LILRA4: variants seen among roughly 807,000 people sequenced by gnomAD.
LILRA4 encodes leukocyte immunoglobulin-like receptor subfamily A member 4.
Under a neutral mutation model 49.5 loss-of-function variants are expected in LILRA4, and 51 were observed. The observed-to-expected ratio is 1.03, with a 90% CI of 0.82 to 1.30. The LOEUF (loss-of-function observed/expected upper bound fraction) is 1.30. LILRA4 is among the 50% of genes most tolerant of loss of function. The pLI, the probability that LILRA4 is intolerant of heterozygous loss-of-function variation, is 0.00. For synonymous variants in LILRA4, 272 were observed against 265.6 expected, an observed-to-expected ratio of 1.02 and a Z score of -0.23; for missense variants, 624 against 625.6, an observed-to-expected ratio of 1.00 and a Z score of 0.03.
In LILRA4 at chr19:54,338,511, CTTGTT is replaced by C; in HGVS notation, c.235_239del (p.Asn79GlyfsTer76). On this transcript the variant is annotated frameshift_variant, in exon 3 of 8. Coordinates refer to ENST00000291759, the MANE Select transcript of LILRA4 (RefSeq NM_012276.5). LOFTEE classifies it high-confidence loss of function. ...TCATGGATGGGATGGAGAGTTTGAC[CTTGTT>C]TTCAGACTCCAGTGTTTTTAATATG... is the stretch of plus-strand genomic sequence containing the variant. 6.2e-7 allele frequency: 1 copy of C among 1,614,096 alleles called. No homozygotes were observed. Among genetic ancestry groups the C allele is most frequent in the African/African-American group, 1.3e-5 (1 of 75,022 alleles).
At position 54,337,346 on chromosome 19, in the gene LILRA4, G is replaced by A. The variant is rs533794745; in HGVS notation, c.952+54C>T. 58 of 1,549,218 alleles carry A rather than the reference G, an allele frequency of 3.7e-5. 1 individual carries two copies. In the South Asian group the frequency reaches 6.0e-4, roughly 16 times the overall value. Reference sequence around the variant, plus strand: ...GGCCATCACCACCTGGGCTCCCCCAGCAGGGCCTGTGCAGAGCCTGGGTCC... The same window carrying A: ...GGCCATCACCACCTGGGCTCCCCCAACAGGGCCTGTGCAGAGCCTGGGTCC... On this transcript the variant is annotated intron_variant, in intron 5 of 7. Transcript: ENST00000291759.
chr19:54,337,451 CGTT>C lies in LILRA4; in HGVS notation c.898_900del (p.Asn300del), dbSNP rs1569165860. ...CTGGGGGCCGACCACTCGGAGGAGA[CGTT>C]GTGTGCGCCGTAGCATCTGTACTGG... On this transcript the variant is annotated inframe_deletion, in exon 5 of 8. Coordinates refer to ENST00000291759, the MANE Select transcript of LILRA4 (RefSeq NM_012276.5). 6.2e-7 allele frequency: 1 copy of C among 1,611,772 alleles called. No individual in the cohort carries two copies. The highest frequency in any genetic ancestry group is 1.7e-5 in the Admixed American group (1 of 60,008).
Position 54,333,553 on chromosome 19 carries a change from C to G in LILRA4, c.*19G>C. 1.2e-6 allele frequency: 2 copies of G among 1,612,434 alleles called. No individual in the cohort carries two copies. Among genetic ancestry groups the G allele is most frequent in the Non-Finnish European group, 1.7e-6 (2 of 1,179,286 alleles). On this transcript the variant is annotated 3_prime_UTR_variant, in exon 8 of 8. Transcript: ENST00000291759. ...CTTCCCCAACTGCTGCCCCAGTCTTCCAGAACCTCCTCAGATCATCAGATC... is the reference window on the plus strand; with the variant it reads ...CTTCCCCAACTGCTGCCCCAGTCTTGCAGAACCTCCTCAGATCATCAGATC...
chr19:54,337,908 G>C (rs1278491578), intron 4 of LILRA4, 28 bp downstream of exon 4: 2 of 1,586,096 alleles, frequency 1.3e-6, no homozygotes, highest in African/African-American at 1.3e-5. Context: ...CCCTGACTTT[G>C]TATAAGGAAA....
At position 54,333,203 on chromosome 19, in the gene LILRA4, T is replaced by A; in HGVS notation, c.*369A>T. On this transcript the variant is annotated 3_prime_UTR_variant, in exon 8 of 8. Transcript: ENST00000291759. ...ACGAATCTGATTTTTGCCCATGGAT[T>A]TAATTATCAAAAGCAAATTCCATGT... 1 of 226,028 alleles carries A rather than the reference T, an allele frequency of 4.4e-6. No individual in the cohort carries two copies. Among genetic ancestry groups the A allele is most frequent in the Non-Finnish European group, 8.5e-6 (1 of 117,728 alleles). The allele number at this position is 226,028 out of a possible 1,614,324, so 14.0% of individuals were successfully genotyped here.
rs940664091 is a variant in LILRA4 at position 54,338,989 on chromosome 19, A to G, written c.34+71T>C. Reference sequence around the variant, plus strand: ...TTGAGCCCCTGGGATGCCCTAATTGACTAAGGCATGGCTATGGATTGGGGT... The same window carrying G: ...TTGAGCCCCTGGGATGCCCTAATTGGCTAAGGCATGGCTATGGATTGGGGT... On this transcript the variant is annotated intron_variant, in intron 1 of 7. Transcript: ENST00000291759. The G allele has an allele frequency of 1.2e-5, 19 of 1,612,692 alleles. No individual in the cohort carries two copies. The African/African-American group carries it at 2.4e-4, about 20-fold the overall frequency.
chr19:54,339,000 G>A (rs2081363029), intron 1 of LILRA4, 60 bp downstream of exon 1: 1 of 1,610,784 alleles, frequency 6.2e-7, no homozygotes, highest in Non-Finnish European at 8.5e-7. Flanking sequence ...CTAAGGCATG[G>A]CTATGGATTG....
rs759751078 is a variant in LILRA4, at chr19:54,338,019, C to T, written c.572G>A (p.Gly191Asp). The T allele has an allele frequency of 2.5e-6, 4 of 1,613,990 alleles. No homozygotes were observed. The highest frequency in any genetic ancestry group is 3.4e-6 in the Non-Finnish European group (4 of 1,179,980). ...TTCATAGCCGTAGCATCTGAATGTA[C>T]CCCTGTTGCTGAAGGTCAGGGGGCC... The part of the protein sequence containing the change: ...PMGPLTFSNR[G>D]TFRCYGYENN... The change falls in exon 4 of 8, where the codon GGT (glycine) becomes GAT (aspartate). Residue 191 changes from glycine (G) to aspartate (D), a missense_variant. By Grantham distance (94) the Gly-to-Asp change is moderately conservative. Coordinates refer to ENST00000291759, the MANE Select transcript of LILRA4 (RefSeq NM_012276.5).
intron 6 of LILRA4, chr19:54,336,229 G>C (rs972963830): frequency 6.5e-6 from 1 of 154,036 alleles, no homozygotes; most frequent in Non-Finnish European, 1.4e-5. Flanking sequence ...TCTCCCCTCT[G>C]TTCCTCTGAG....
In LILRA4 at chr19:54,333,724, T is replaced by C. The variant is rs145347520; in HGVS notation, c.1348A>G (p.Met450Val). ...AGCAGGACCAAGCCAGCCACACCCA[T>C]GCGGATGAGATTCTCCACTGTGTAA... is the stretch of plus-strand genomic sequence containing the variant. ...QDYTVENLIR[M>V]GVAGLVLLFL... is the part of the protein sequence containing the mutation. The change falls in exon 8 of 8, where the codon ATG (methionine) becomes GTG (valine). Residue 450 changes from methionine to valine, a missense_variant. By Grantham distance (21) the Met-to-Val change is conservative (BLOSUM62 1). Coordinates refer to ENST00000291759, the MANE Select transcript of LILRA4 (RefSeq NM_012276.5). The C allele has an allele frequency of 9.0e-5, 146 of 1,613,952 alleles. No individual in the cohort carries two copies. Among genetic ancestry groups the C allele is most frequent in the Non-Finnish European group, 1.1e-4 (134 of 1,180,004 alleles).
intron 3 of LILRA4, 65 bp from the exon 4 acceptor site, chr19:54,338,300 G>A (rs1223070106): frequency 1.3e-6 from 2 of 1,594,902 alleles, no homozygotes; most frequent in African/African-American, 2.7e-5. Flanking sequence ...TATCCTACAA[G>A]GCTGGGCTGT....
At position 54,337,534 on chromosome 19, in the gene LILRA4, G is replaced by A. The variant is rs778046226; in HGVS notation, c.818C>T (p.Ala273Val). ...GGTGAAGTTGGCCTGGGAGAGCCCA[G>A]CCTGGGGCTGCCGGCCAGGGCGCTG... Reference protein sequence around the residue: ...LPQRPGRQPQAGLSQANFTLS... With the variant: ...LPQRPGRQPQVGLSQANFTLS... The change falls in exon 5 of 8, where the codon GCT (alanine) becomes GTT (valine). Residue 273 changes from alanine to valine, a missense_variant. Ala to Val is a moderately conservative substitution (Grantham distance 64, BLOSUM62 0). Transcript: ENST00000291759. The A allele has an allele frequency of 3.7e-6, 6 of 1,613,112 alleles. No homozygotes were observed. In the East Asian group the frequency reaches 8.9e-5, roughly 24 times the overall value.
chr19:54,338,804 C>T, intron 2 of LILRA4, 62 bp downstream of exon 2: 1 of 1,608,124 alleles, frequency 6.2e-7, no homozygotes. Flanking sequence ...CCCAGCTGCC[C>T]AGGGGTGGTC....
At chr19:54,337,378 C>T (rs770960286) in intron 5 of LILRA4, 22 bp downstream of exon 5, 3 of 1,608,936 alleles carry the variant, frequency 1.9e-6, no homozygotes, top group South Asian at 2.2e-5. Context: ...GTCCCCCTGA[C>T]TGAACCCGCT....
Position 54,333,583 on chromosome 19 carries a change from C to T in LILRA4, c.1489G>A (p.Glu497Lys), listed in dbSNP as rs767985779. 2.5e-6 allele frequency: 4 copies of T among 1,613,990 alleles called. No individual in the cohort carries two copies. The East Asian group carries it at 6.7e-5, about 27-fold the overall frequency. Residue 497 changes from glutamate (E) to lysine (K), a missense_variant, in exon 8 of 8, where the codon GAA becomes AAA. Transcript: ENST00000291759. ...ACCTCCTCAGATCATCAGATCTGTT[C>T]CCAAGGCTCCACCACTCTGAAGGGT... ...NAPFRVVEPWEQI is the reference protein window; with the variant it reads ...NAPFRVVEPWKQI
At position 54,333,717 on chromosome 19, in the gene LILRA4, A is replaced by G. The variant is rs1379735131; in HGVS notation, c.1355T>C (p.Val452Ala). The G allele has an allele frequency of 3.1e-6, 5 of 1,613,972 alleles. No homozygotes were observed. In the East Asian group the frequency reaches 8.9e-5, roughly 29 times the overall value. Reference protein sequence around the residue: ...YTVENLIRMGVAGLVLLFLGI... With the variant: ...YTVENLIRMGAAGLVLLFLGI... ...GAGGAACAGCAGGACCAAGCCAGCCACACCCATGCGGATGAGATTCTCCAC... is the reference window on the plus strand; with the variant it reads ...GAGGAACAGCAGGACCAAGCCAGCCGCACCCATGCGGATGAGATTCTCCAC... The change falls in exon 8 of 8, where the codon GTG becomes GCG. Residue 452 changes from valine (V) to alanine (A), a missense_variant. Transcript: ENST00000291759.
rs762154639 is a variant in LILRA4, at chr19:54,337,446, G to A, written c.906C>T (p.Ser302=). The A allele has an allele frequency of 9.9e-6, 16 of 1,611,676 alleles. No individual in the cohort carries two copies. Among genetic ancestry groups the A allele is most frequent in the Middle Eastern group, 2.2e-4 (1 of 4,550 alleles). The change falls in exon 5 of 8, where the codon TCC becomes TCT. Residue 302 remains serine (S), a synonymous_variant. Coordinates refer to ENST00000291759, the MANE Select transcript of LILRA4 (RefSeq NM_012276.5). The stretch of plus-strand genomic sequence containing the variant: ...GGTCACTGGGGGCCGACCACTCGGA[G>A]GAGACGTTGTGTGCGCCGTAGCATC... ...QYRCYGAHNV[S]SEWSAPSDPL...
chr19:54,333,733 G>A lies in LILRA4; in HGVS notation c.1339C>T (p.Leu447Phe), dbSNP rs2081295371. Reference protein sequence around the residue: ...PHLQDYTVENLIRMGVAGLVL... With the variant: ...PHLQDYTVENFIRMGVAGLVL... ...AAGCCAGCCACACCCATGCGGATGA[G>A]ATTCTCCACTGTGTAATCCTGGAGG... The change falls in exon 8 of 8, where the codon CTC becomes TTC. Residue 447 changes from leucine to phenylalanine, a missense_variant. Transcript: ENST00000291759. 6.2e-7 allele frequency: 1 copy of A among 1,614,000 alleles called. No homozygotes were observed. The highest frequency in any genetic ancestry group is 1.7e-5 in the Admixed American group (1 of 59,990).
At position 54,333,527 on chromosome 19, in the gene LILRA4, A is replaced by C. The variant is rs370752341; in HGVS notation, c.*45T>G. On this transcript the variant is annotated 3_prime_UTR_variant, in exon 8 of 8. Coordinates refer to ENST00000291759, the MANE Select transcript of LILRA4 (RefSeq NM_012276.5). ...CTTCCCCTTGATATTCTCAGCAGACACTTCCCCAACTGCTGCCCCAGTCTT... is the reference window on the plus strand; with the variant it reads ...CTTCCCCTTGATATTCTCAGCAGACCCTTCCCCAACTGCTGCCCCAGTCTT... The C allele has an allele frequency of 1.2e-5, 19 of 1,583,282 alleles. No homozygotes were observed. The South Asian group carries it at 1.9e-4, about 16-fold the overall frequency.
Sources: allele counts gnomAD v4.1 joint callset, GRCh38; gene constraint gnomAD v4.1.1; transcripts MANE v1.5; gene names NCBI Gene and HGNC (gene_info 2026-07-23, HGNC 2026-07-21).